Variants in DNAH6 observed in about 807,000 individuals in gnomAD.
The protein encoded by DNAH6 is axonemal beta dynein heavy chain 6.
DNAH6 carries 340 observed loss-of-function variants against 491.4 expected under a neutral mutation model. The observed-to-expected ratio is 0.69, with a 90% CI of 0.63 to 0.76. DNAH6 has a LOEUF of 0.76. Among genes scored for constraint, DNAH6 ranks in the 30% least tolerant of loss-of-function variants. DNAH6 has a pLI of 0.00. For missense variants in DNAH6, 4,443 were observed against 4,972.2 expected, an observed-to-expected ratio of 0.89 and a Z score of 3.20; for synonymous variants, 1,603 against 1,686.1, an observed-to-expected ratio of 0.95 and a Z score of 1.21.
chr2:84,747,608 C>T (rs564182823), intron 63 of DNAH6, among the ~76,000 whole-genome samples: 20 of 152,222 alleles, frequency 1.3e-4, no homozygotes, highest in South Asian at 1.0e-3. Context: ...ACTGAGGGTG[C>T]GCACTGCCAA....
intron 42 of DNAH6, among the ~76,000 whole-genome samples, chr2:84,684,804 G>A (rs1328748654): frequency 6.6e-6 from 1 of 152,182 alleles, no homozygotes; most frequent in South Asian, 2.1e-4. Flanking sequence ...CATTAGAACT[G>A]TGTTTGCAAT....
chr2:84,547,755 T>G, intron 7 of DNAH6, 143 bp downstream of exon 7: 1 of 962,028 alleles, frequency 1.0e-6, no homozygotes, highest in East Asian at 2.6e-5. Flanking sequence ...ATAAATTTAA[T>G]GTATTTTGTG....
At position 84,701,931 on chromosome 2, in the gene DNAH6, A is replaced by T. The variant is rs947921511; in HGVS notation, c.8061+592A>T. 7.9e-5 allele frequency among the ~76,000 whole-genome samples: 12 copies of T among 152,254 alleles called. No homozygotes were observed. In the East Asian group the frequency reaches 2.1e-3, roughly 27 times the overall value. On this transcript the variant is annotated intron_variant, in intron 49 of 76. Coordinates refer to ENST00000389394, the MANE Select transcript of DNAH6 (RefSeq NM_001370.2). ...AAAAGTGTTTCCTGCTGTTGGTCTG[A>T]GGGCCTTCTCCTTTTCAATAATTAT... is the stretch of plus-strand genomic sequence containing the variant.
intron 73 of DNAH6, 84 bp downstream of exon 73, chr2:84,812,610 T>C: frequency 9.0e-7 from 1 of 1,110,782 alleles, no homozygotes; most frequent in African/African-American, 1.6e-5. Context: ...GCTAAAGATA[T>C]CCACAGTCAC....
chr2:84,567,870 A>G (rs1681371129), intron 11 of DNAH6, among the ~76,000 whole-genome samples: 1 of 152,198 alleles, frequency 6.6e-6, no homozygotes, highest in Non-Finnish European at 1.5e-5. Context: ...AACCTACAGA[A>G]TAGGAAAAAT....
intron 62 of DNAH6, 38 bp downstream of exon 62, chr2:84,733,617 A>T (rs1301541123): frequency 4.6e-6 from 7 of 1,534,734 alleles, no homozygotes; most frequent in Non-Finnish European, 6.2e-6. Context: ...GAGGCTTATA[A>T]ACAGGCTCTT....
intron 4 of DNAH6, 83 bp from the exon 5 acceptor site, chr2:84,544,150 T>G (rs1678537139): frequency 2.9e-6 from 2 of 699,240 alleles, no homozygotes; most frequent in Non-Finnish European, 4.4e-6. Flanking sequence ...ATGTTTTATC[T>G]CTGTAGAATA....
the DNAH6 span, among the ~76,000 whole-genome samples, chr2:84,496,178 ATCTT>A: frequency 6.6e-6 from 1 of 152,180 alleles, no homozygotes; most frequent in South Asian, 2.1e-4. Context: ...CAAAAACTAA[ATCTT>A]TCAGCAGTGC....
At chr2:84,625,748 A>C (rs1687800789) in intron 29 of DNAH6, among the ~76,000 whole-genome samples, 1 of 152,176 alleles carries the variant, frequency 6.6e-6, no homozygotes, top group Non-Finnish European at 1.5e-5. Context: ...TATTTTCAAG[A>C]TATTGCTATT....
intron 42 of DNAH6, 150 bp from the exon 43 acceptor site, chr2:84,685,176 T>G (rs1420291641): frequency 1.1e-5 from 5 of 457,086 alleles, no homozygotes; most frequent in Middle Eastern, 5.9e-4. Context: ...ATGAGGTCAC[T>G]ATTAGTATAT....
intron 18 of DNAH6, among the ~76,000 whole-genome samples, chr2:84,598,013 A>C (rs1289989216): frequency 1.3e-5 from 2 of 152,160 alleles, no homozygotes; most frequent in East Asian, 3.8e-4. Context: ...AGCCAGTCAA[A>C]AAAAAAGGCC....
intron 63 of DNAH6, among the ~76,000 whole-genome samples, chr2:84,756,349 C>G (rs1423582663): frequency 1.3e-5 from 2 of 152,176 alleles, no homozygotes; most frequent in Non-Finnish European, 2.9e-5. Context: ...ATAATTATTA[C>G]CAATTTAAAG....
the DNAH6 span, among the ~76,000 whole-genome samples, chr2:84,479,435 A>G: frequency 6.6e-6 from 1 of 152,214 alleles, no homozygotes; most frequent in Non-Finnish European, 1.5e-5. Context: ...TTTCAGGGCA[A>G]TGCTGTCTCA....
At chr2:84,499,828 ATCT>A in the DNAH6 span, among the ~76,000 whole-genome samples, 1 of 151,694 alleles carries the variant, frequency 6.6e-6, no homozygotes, top group East Asian at 1.9e-4. Flanking sequence ...ACATTTGTGC[ATCT>A]TCTTTTGAGA....
intron 64 of DNAH6, among the ~76,000 whole-genome samples, chr2:84,766,686 T>G (rs2105155229): frequency 6.6e-6 from 1 of 152,154 alleles, no homozygotes; most frequent in African/African-American, 2.4e-5. Flanking sequence ...TAGTGAAGAA[T>G]ATTTAGGAGG....
rs1319602240 is a variant in DNAH6, at chr2:84,653,874, GGTAAGTGTACACATTAC to G, written c.5634+1_5634+17del. 2 of 1,545,172 alleles carry G rather than the reference GGTAAGTGTACACATTAC, an allele frequency of 1.3e-6. No individual in the cohort carries two copies. Among genetic ancestry groups the G allele is most frequent in the Non-Finnish European group, 1.7e-6 (2 of 1,143,376 alleles). On this transcript the variant is annotated splice_donor_variant and splice_donor_5th_base_variant and intron_variant, in intron 34 of 76. Coordinates refer to ENST00000389394, the MANE Select transcript of DNAH6 (RefSeq NM_001370.2). LOFTEE classifies it high-confidence loss of function. ...CACCTCAAATTCACATGCTTTTTGA[GGTAAGTGTACACATTAC>G]TGTGGAGTGAAATCATTCATTAAAT...
chr2:84,790,987 C>T (rs1043611579), intron 68 of DNAH6, among the ~76,000 whole-genome samples: 5 of 151,936 alleles, frequency 3.3e-5, no homozygotes, highest in African/African-American at 9.7e-5. Context: ...GTCAGGAGTT[C>T]GAGACCAGCC....
Position 84,722,635 on chromosome 2 carries a change from G to C in DNAH6, c.9803G>C (p.Gly3268Ala), listed in dbSNP as rs761776724. 177 of 1,548,110 alleles carry C rather than the reference G, an allele frequency of 1.1e-4. 1 individual carries two copies. The highest frequency in any genetic ancestry group is 1.5e-4 in the Non-Finnish European group (168 of 1,145,958). ...TGTATGTTTATTCAGATCACTTCTG[G>C]TGCCATTAAAACCAGGCTGGAAGAA... ...DTLQDSKITS[G>A]AIKTRLEEAE... Residue 3268 changes from glycine (G) to alanine (A), a missense_variant, in exon 60 of 77, where the codon GGT (glycine) becomes GCT (alanine). Around this residue, in one of 3 missense-constraint regions of DNAH6, gnomAD observed 1,463 missense variants for 1,656.6 expected, o/e 0.88. Coordinates refer to ENST00000389394, the MANE Select transcript of DNAH6 (RefSeq NM_001370.2).
At chr2:84,767,878 G>A (rs897247419) in intron 64 of DNAH6, among the ~76,000 whole-genome samples, 2 of 151,354 alleles carry the variant, frequency 1.3e-5, no homozygotes, top group Non-Finnish European at 1.5e-5. Flanking sequence ...ATTGTGGGGG[G>A]AAAAAAAAGA....
Sources: allele counts gnomAD v4.1 joint callset (sites outside exome capture counted in the v4.1 genomes callset), GRCh38; gene constraint gnomAD v4.1.1; regional missense constraint gnomAD v4.1.1; transcripts MANE v1.5; gene names NCBI Gene and HGNC (gene_info 2026-07-23, HGNC 2026-07-21).